Variants in RNF38 observed in about 807,000 individuals in gnomAD.
The protein encoded by RNF38 is ring finger protein 38.
Under a neutral mutation model 67.2 loss-of-function variants are expected in RNF38, and 15 were observed. That is an observed-to-expected ratio of 0.22 (90% confidence interval 0.15 to 0.34). The LOEUF is 0.34. Ranked by LOEUF, RNF38 falls within the 10% of genes least tolerant of loss-of-function variation. The pLI is 1.00. For missense variants in RNF38, 524 were observed against 639.9 expected (o/e 0.82, Z 1.95); for synonymous variants, 220 against 218.8 (o/e 1.01, Z -0.05).
rs1833820891 is a variant in RNF38 at position 36,353,044 on chromosome 9, A to G, written c.1071+126T>C. 7.7e-6 allele frequency: 7 copies of G among 904,868 alleles called. No individual in the cohort carries two copies. The South Asian group carries it at 1.1e-4, about 15-fold the overall frequency. 56.1% of individuals were successfully genotyped at this position (904,868 alleles called of 1,614,324 possible). A position where few individuals can be genotyped will look rare whatever the true frequency, so the allele number is the denominator to read the frequency against. On this transcript the variant is annotated intron_variant, in intron 7 of 11. Transcript: ENST00000259605. ...TACACTCAGGTGTATTTCTAAATAT[A>G]ACTTTCCAACTGAATGCTGTCGAGA...
At chr9:36,411,409 A>T (rs1170116087) in intron 2 of RNF38, among the ~76,000 whole-genome samples, 1 of 152,206 alleles carries the variant, frequency 6.6e-6, no homozygotes, top group Non-Finnish European at 1.5e-5. Flanking sequence ...TAGCAATTCC[A>T]CTTCTGGGTA....
chr9:36,482,350 G>A (rs993597334), intron 1 of RNF38, among the ~76,000 whole-genome samples: 4 of 69,994 alleles, frequency 5.7e-5, no homozygotes, highest in Non-Finnish European at 7.3e-5. Context: ...ACTGTGCCCA[G>A]ACCTTTTTTT....
chr9:36,362,105 C>T (rs767600417), intron 4 of RNF38, among the ~76,000 whole-genome samples: 7 of 152,080 alleles, frequency 4.6e-5, no homozygotes, highest in Admixed American at 6.6e-5. Context: ...GCTTGTAATC[C>T]CATCACTTTG....
intron 2 of RNF38, among the ~76,000 whole-genome samples, chr9:36,386,677 C>T (rs1836664203): frequency 6.6e-6 from 1 of 152,158 alleles, no homozygotes. Flanking sequence ...AGTAAAGAAG[C>T]CGGCTAAAAC....
intron 1 of RNF38, among the ~76,000 whole-genome samples, chr9:36,444,188 A>C (rs1165983043): frequency 6.6e-6 from 1 of 152,208 alleles, no homozygotes; most frequent in Admixed American, 6.5e-5. Context: ...ACATGGACAA[A>C]GAAAAAGCCA....
At chr9:36,472,871 C>CGAGGTGGGTGGATCACCTGAGGTCAG (rs72030189) in intron 1 of RNF38, among the ~76,000 whole-genome samples, 3 of 151,542 alleles carry the variant, frequency 2.0e-5, no homozygotes, top group Non-Finnish European at 4.4e-5. Flanking sequence ...TCTGAGAGAC[C>CGAGGTGGGTGGATCACCTGAGGTCAG]GAGGTGGGTG....
intron 2 of RNF38, among the ~76,000 whole-genome samples, chr9:36,415,287 C>T (rs1362407724): frequency 2.6e-5 from 4 of 152,078 alleles, no homozygotes. Flanking sequence ...ATCTTTGAGC[C>T]CTCAACTTCT....
At position 36,342,435 on chromosome 9, in the gene RNF38, C is replaced by T. The variant is rs1034524565; in HGVS notation, c.1386-11G>A. ...ATGCATACTACACACCTAAAAAAAG[C>T]AAAAAGATCATTTAACCACAAAACC... On this transcript the variant is annotated splice_polypyrimidine_tract_variant and intron_variant, in intron 10 of 11. Transcript: ENST00000259605. The T allele has an allele frequency of 1.3e-6, 2 of 1,556,364 alleles. No homozygotes were observed. The highest frequency in any genetic ancestry group is 2.7e-5 in the African/African-American group (2 of 73,734).
intron 2 of RNF38, among the ~76,000 whole-genome samples, chr9:36,409,431 C>T (rs1272815482): frequency 3.9e-5 from 6 of 152,134 alleles, no homozygotes; most frequent in South Asian, 2.1e-4. Flanking sequence ...GAAGAGAAGT[C>T]GCTGAAAACA....
intron 2 of RNF38, among the ~76,000 whole-genome samples, chr9:36,380,555 C>A (rs944634698): frequency 1.3e-5 from 2 of 150,904 alleles, no homozygotes; most frequent in Non-Finnish European, 3.0e-5. Context: ...TGCAGTGGCA[C>A]GATCTCAGCT....
intron 1 of RNF38, among the ~76,000 whole-genome samples, chr9:36,481,191 T>C (rs1343588178): frequency 1.3e-5 from 2 of 151,964 alleles, no homozygotes; most frequent in Non-Finnish European, 2.9e-5. Context: ...ATTTTTGTAT[T>C]TTTAGTAGAG....
intron 2 of RNF38, among the ~76,000 whole-genome samples, chr9:36,424,345 G>C (rs748450424): frequency 6.6e-6 from 1 of 152,348 alleles, no homozygotes; most frequent in Middle Eastern, 3.4e-3. Flanking sequence ...CTTTGCAGAA[G>C]AGGAAGCACC....
At chr9:36,450,151 C>T (rs1839402462) in intron 1 of RNF38, among the ~76,000 whole-genome samples, 1 of 152,008 alleles carries the variant, frequency 6.6e-6, no homozygotes, top group Admixed American at 6.6e-5. Flanking sequence ...TCTTCGAAAC[C>T]CAATTATAAA....
chr9:36,352,479 A>C (rs1341271996), intron 8 of RNF38, among the ~76,000 whole-genome samples: 1 of 152,190 alleles, frequency 6.6e-6, no homozygotes, highest in Admixed American at 6.5e-5. Flanking sequence ...TATCAGTTGT[A>C]AAAGAGGCAG....
chr9:36,349,087 A>G (rs1436289600), intron 9 of RNF38, among the ~76,000 whole-genome samples: 1 of 152,206 alleles, frequency 6.6e-6, no homozygotes. Flanking sequence ...TGGATGACAA[A>G]ACGTCTGTTT....
intron 3 of RNF38, among the ~76,000 whole-genome samples, chr9:36,374,091 T>C (rs1183189143): frequency 6.6e-6 from 1 of 152,242 alleles, no homozygotes; most frequent in Non-Finnish European, 1.5e-5. Flanking sequence ...CTCATGCTTA[T>C]TATATTTAAT....
rs555984212 is a variant in RNF38, at chr9:36,357,664, T to C, written c.738+111A>G. On this transcript the variant is annotated intron_variant, in intron 5 of 11. Transcript: ENST00000259605. ...CAGTCTCTTAAATTTTGTTTGCTTA[T>C]ATAATGCAGTTAGCCCCTCTAAAGA... 5.5e-5 allele frequency: 39 copies of C among 703,032 alleles called. No homozygotes were observed. In the African/African-American group the frequency reaches 5.6e-4, roughly 10 times the overall value. The allele number at this position is 703,032 out of a possible 1,614,324, so 43.5% of individuals were successfully genotyped here. A position where few individuals can be genotyped will look rare whatever the true frequency, so the allele number is the denominator to read the frequency against.
At chr9:36,397,036 T>C (rs1256621918) in intron 1 of RNF38, among the ~76,000 whole-genome samples, 1 of 150,962 alleles carries the variant, frequency 6.6e-6, no homozygotes, top group Non-Finnish European at 1.5e-5. Flanking sequence ...TATATACGTA[T>C]ATACGTATAT....
chr9:36,439,343 C>A (rs570617669), intron 1 of RNF38, among the ~76,000 whole-genome samples: 1 of 152,108 alleles, frequency 6.6e-6, no homozygotes, highest in African/African-American at 2.4e-5. Flanking sequence ...TCCTTCTATT[C>A]GTTAGCTGTG....
Sources: allele counts gnomAD v4.1 joint callset (sites outside exome capture counted in the v4.1 genomes callset), GRCh38; gene constraint gnomAD v4.1.1; transcripts MANE v1.5; gene names NCBI Gene and HGNC (gene_info 2026-07-23, HGNC 2026-07-21).